The following CADM2 variants were observed in gnomAD, a reference collection of about 807,000 sequenced individuals.
CADM2 encodes immunoglobulin superfamily member 4D.
Under a neutral mutation model 49.8 loss-of-function variants are expected in CADM2, and 12 were observed. That is an observed-to-expected ratio of 0.24 (90% CI 0.15 to 0.39). The LOEUF (loss-of-function observed/expected upper bound fraction) is 0.39, where lower values mean the gene tolerates loss of function less well. CADM2 is among the 10% of genes least tolerant of loss of function. The pLI, the probability that CADM2 is intolerant of heterozygous loss-of-function variation, is 1.00. For missense variants in CADM2, 378 were observed against 492.3 expected (o/e 0.77, Z 2.20); for synonymous variants, 214 against 175.4 (o/e 1.22, Z -1.74).
At chr3:86,014,729 C>G in intron 8 of CADM2, 1 of 1,509,210 alleles carries the variant, frequency 6.6e-7, no homozygotes, top group Non-Finnish European at 8.9e-7. Flanking sequence ...GTAGAAGTGA[C>G]TTACCCAATA....
Position 84,959,611 on chromosome 3 carries a change from A to G in CADM2, c.4A>G (p.Ile2Val), listed in dbSNP as rs1171471651. The change falls in exon 1 of 10, where the codon ATT becomes GTT. Residue 2 changes from isoleucine to valine, a missense_variant. Ile to Val is a conservative substitution (Grantham distance 29). Coordinates refer to ENST00000383699, the MANE Select transcript of CADM2 (RefSeq NM_001167675.2). The part of the protein sequence containing the change: M[I>V]WKRSAVLRFY... ...CCAGCCCTTTAGAGAAGGGACCATGATTTGGAAACGCAGCGCCGTTCTCCG... is the reference window on the plus strand; with the variant it reads ...CCAGCCCTTTAGAGAAGGGACCATGGTTTGGAAACGCAGCGCCGTTCTCCG... The G allele has an allele frequency of 4.6e-6, 7 of 1,536,756 alleles. No individual in the cohort carries two copies. Among genetic ancestry groups the G allele is most frequent in the Non-Finnish European group, 6.1e-6 (7 of 1,146,830 alleles).
At chr3:85,640,376 A>G (rs1379410930) in intron 1 of CADM2, among the ~76,000 whole-genome samples, 3 of 151,994 alleles carry the variant, frequency 2.0e-5, no homozygotes, top group Admixed American at 2.0e-4. Context: ...AATTAGACTC[A>G]AAATTTAAAA....
chr3:85,941,209 G>A (rs558587867), intron 7 of CADM2, among the ~76,000 whole-genome samples: 70 of 152,032 alleles, frequency 4.6e-4, no homozygotes, highest in African/African-American at 1.6e-3. Context: ...ACTTGATCAA[G>A]GAAATACATA....
chr3:85,237,968 C>T (rs2042444258), intron 1 of CADM2, among the ~76,000 whole-genome samples: 1 of 151,682 alleles, frequency 6.6e-6, no homozygotes, highest in African/African-American at 2.4e-5. Context: ...CCATGATTTG[C>T]TACTATTGTT....
chr3:85,061,803 A>G (rs1245061415), intron 1 of CADM2, among the ~76,000 whole-genome samples: 1 of 152,080 alleles, frequency 6.6e-6, no homozygotes, highest in East Asian at 1.9e-4. Context: ...GTCGATATAT[A>G]CATATATACA....
At chr3:86,024,954 T>C (rs1003471916) in intron 8 of CADM2, among the ~76,000 whole-genome samples, 4 of 151,880 alleles carry the variant, frequency 2.6e-5, no homozygotes, top group African/African-American at 4.8e-5. Context: ...TCTTGGCTCA[T>C]TGCACCTTCC....
chr3:85,297,304 T>G (rs1179243308), intron 1 of CADM2, among the ~76,000 whole-genome samples: 1 of 152,020 alleles, frequency 6.6e-6, no homozygotes, highest in Non-Finnish European at 1.5e-5. Flanking sequence ...TTCACAAAGC[T>G]CTGAACTCTA....
At chr3:85,275,782 A>G (rs2043343434) in intron 1 of CADM2, among the ~76,000 whole-genome samples, 1 of 151,114 alleles carries the variant, frequency 6.6e-6, no homozygotes, top group Admixed American at 6.6e-5. Flanking sequence ...ATAAAATAAT[A>G]AGTAAATATA....
intron 1 of CADM2, among the ~76,000 whole-genome samples, chr3:85,316,822 C>T (rs368100884): frequency 1.1e-4 from 16 of 151,940 alleles, no homozygotes; most frequent in Admixed American, 3.3e-4. Flanking sequence ...ATAACAAAAG[C>T]GCGTACATGC....
intron 1 of CADM2, among the ~76,000 whole-genome samples, chr3:85,386,878 G>T (rs2034260051): frequency 6.6e-6 from 1 of 152,124 alleles, no homozygotes. Flanking sequence ...AGTATGAAAG[G>T]CAGGCATTTC....
chr3:85,558,087 C>G (rs529948490), intron 1 of CADM2, among the ~76,000 whole-genome samples: 2 of 151,904 alleles, frequency 1.3e-5, no homozygotes, highest in African/African-American at 4.8e-5. Context: ...ATCACAAACA[C>G]TTCCTTGATG....
chr3:85,281,148 A>T (rs186547130), intron 1 of CADM2, among the ~76,000 whole-genome samples: 1 of 151,918 alleles, frequency 6.6e-6, no homozygotes, highest in Non-Finnish European at 1.5e-5. Flanking sequence ...AGATAAATAT[A>T]AAAATAGAAA....
intron 1 of CADM2, among the ~76,000 whole-genome samples, chr3:85,278,512 A>T (rs2043413994): frequency 6.6e-6 from 1 of 151,358 alleles, no homozygotes; most frequent in Non-Finnish European, 1.5e-5. Flanking sequence ...AAACTTTTTG[A>T]TTTTACACGT....
intron 1 of CADM2, among the ~76,000 whole-genome samples, chr3:85,346,046 C>T (rs1485455222): frequency 1.3e-5 from 2 of 152,144 alleles, no homozygotes; most frequent in Non-Finnish European, 2.9e-5. Flanking sequence ...GGTCTTACAA[C>T]TTTTCTGTAA....
intron 3 of CADM2, among the ~76,000 whole-genome samples, chr3:85,810,671 C>G (rs1240016107): frequency 6.6e-6 from 1 of 151,250 alleles, no homozygotes; most frequent in African/African-American, 2.4e-5. Flanking sequence ...TCCCCAGTAG[C>G]TGGAACTATA....
chr3:85,563,562 A>C (rs1299250380), intron 1 of CADM2, among the ~76,000 whole-genome samples: 1 of 152,112 alleles, frequency 6.6e-6, no homozygotes, highest in East Asian at 1.9e-4. Context: ...AATGAAACTC[A>C]TGACTCCTTT....
intron 1 of CADM2, among the ~76,000 whole-genome samples, chr3:85,691,503 C>G (rs1161433058): frequency 6.6e-6 from 1 of 152,114 alleles, no homozygotes; most frequent in Non-Finnish European, 1.5e-5. Flanking sequence ...AATATACTGC[C>G]TCTCTACTTT....
At chr3:86,007,218 A>G (rs1730908607) in intron 8 of CADM2, among the ~76,000 whole-genome samples, 1 of 151,514 alleles carries the variant, frequency 6.6e-6, no homozygotes, top group South Asian at 2.1e-4. Context: ...GATTTCAGCA[A>G]TTTAATCACG....
intron 1 of CADM2, among the ~76,000 whole-genome samples, chr3:85,198,415 T>C (rs1356357289): frequency 1.3e-5 from 2 of 151,758 alleles, no homozygotes; most frequent in African/African-American, 4.8e-5. Flanking sequence ...TTTCACTGTT[T>C]ACAACCCATT....
Sources: allele counts gnomAD v4.1 joint callset (sites outside exome capture counted in the v4.1 genomes callset), GRCh38; gene constraint gnomAD v4.1.1; transcripts MANE v1.5; gene names NCBI Gene and HGNC (gene_info 2026-07-23, HGNC 2026-07-21).